The following WIPF1 variants were observed in gnomAD, a reference collection of about 807,000 sequenced individuals.
WIPF1 encodes the protein WAS/WASL-interacting protein family member 1.
Under a neutral mutation model 35.4 loss-of-function variants are expected in WIPF1, and 13 were observed. The ratio of observed to expected loss-of-function variants is 0.37; its 90% CI spans 0.24 to 0.58. The LOEUF (loss-of-function observed/expected upper bound fraction) is 0.58, where lower values mean the gene tolerates loss of function less well. Among genes scored for constraint, WIPF1 ranks in the 20% least tolerant of loss-of-function variants. The probability of loss-of-function intolerance (pLI) is 0.74; values close to 1 mark genes in which losing one functional copy is unlikely to be tolerated. For missense variants in WIPF1, 591 were observed against 667.0 expected, an observed-to-expected ratio of 0.89 and a Z score of 1.25; for synonymous variants, 267 against 266.3, an observed-to-expected ratio of 1.00 and a Z score of -0.02.
At chr2:174,606,114 T>TA (rs5836467) in intron 1 of WIPF1, among the ~76,000 whole-genome samples, 45,546 of 151,968 alleles carry the variant, frequency 0.3, 7,092 homozygotes, top group Middle Eastern at 0.41. Flanking sequence ...TTAGTGGCAA[T>TA]AAAAAAGTAA....
At chr2:174,656,866 A>G (rs1048381395) in intron 1 of WIPF1, among the ~76,000 whole-genome samples, 12 of 152,234 alleles carry the variant, frequency 7.9e-5, no homozygotes, top group African/African-American at 2.7e-4. Context: ...CAGAATGGTT[A>G]ATTTTTATAC....
At chr2:174,619,642 G>A (rs1686615976) in intron 1 of WIPF1, among the ~76,000 whole-genome samples, 1 of 152,006 alleles carries the variant, frequency 6.6e-6, no homozygotes, top group South Asian at 2.1e-4. Context: ...ACCCCCTTTG[G>A]CTACATAAAA....
chr2:174,648,197 T>C (rs899823295), intron 1 of WIPF1, among the ~76,000 whole-genome samples: 2 of 152,174 alleles, frequency 1.3e-5, no homozygotes, highest in Admixed American at 1.3e-4. Flanking sequence ...ATGGGGAACA[T>C]TGTACGTTGT....
chr2:174,675,865 C>T (rs1278621840), intron 1 of WIPF1, among the ~76,000 whole-genome samples: 1 of 148,830 alleles, frequency 6.7e-6, no homozygotes, highest in East Asian at 1.9e-4. Flanking sequence ...GGAGGGTGGG[C>T]CGTAAGAGTT....
chr2:174,568,026 G>C lies in WIPF1; in HGVS notation c.1177C>G (p.Arg393Gly). Residue 393 changes from arginine to glycine, a missense_variant, in exon 6 of 8, where the codon CGG becomes GGG. By Grantham distance (125) the Arg-to-Gly change is moderately radical. Around this residue, in one of 3 missense-constraint regions of WIPF1, gnomAD observed 117 missense variants for 149.6 expected, o/e 0.78. Coordinates refer to ENST00000679041, the MANE Select transcript of WIPF1 (RefSeq NM_001375834.1). ...PPVSRNGSTSRALPATPQLPS... is the reference protein window; with the variant it reads ...PPVSRNGSTSGALPATPQLPS... ...AACTGAGGGGTAGCAGGCAGGGCCC[G>C]AGATGTGCTGCCGTTTCTGCTTACT... 3 of 1,613,698 alleles carry C rather than the reference G, an allele frequency of 1.9e-6. No individual in the cohort carries two copies. Among genetic ancestry groups the C allele is most frequent in the Non-Finnish European group, 2.5e-6 (3 of 1,180,030 alleles).
At chr2:174,671,527 C>T (rs1022480150) in intron 1 of WIPF1, among the ~76,000 whole-genome samples, 5 of 152,132 alleles carry the variant, frequency 3.3e-5, no homozygotes, top group Non-Finnish European at 4.4e-5. Flanking sequence ...GGTCTGGCTG[C>T]CTGGGAGTGG....
chr2:174,647,676 G>A (rs562656279), intron 1 of WIPF1, among the ~76,000 whole-genome samples: 2 of 149,496 alleles, frequency 1.3e-5, no homozygotes, highest in South Asian at 4.2e-4. Context: ...CAGGAAAACG[G>A]CATATGAATT....
At chr2:174,653,213 C>T (rs915852172) in intron 1 of WIPF1, among the ~76,000 whole-genome samples, 1 of 152,172 alleles carries the variant, frequency 6.6e-6, no homozygotes, top group African/African-American at 2.4e-5. Context: ...CCCCCAACAC[C>T]TATGGTGTTA....
In WIPF1 at chr2:174,562,593, T is replaced by C; in HGVS notation, c.1466A>G (p.Asn489Ser). ...LARNESRSGS[N>S]RRERGAPPLP... ...TGGTGGAGCACCCCTTTCTCTTCGG[T>C]TGGATCCACCTTGGTGAAAAAACAG... The change falls in exon 8 of 8, where the codon AAC (asparagine) becomes AGC (serine). Residue 489 changes from asparagine to serine, a missense_variant. Asn to Ser is a conservative substitution (Grantham distance 46). Around this residue, in one of 3 missense-constraint regions of WIPF1, gnomAD observed 117 missense variants for 149.6 expected, o/e 0.78. Transcript: ENST00000679041. 1.2e-6 allele frequency: 2 copies of C among 1,614,120 alleles called. No homozygotes were observed. The highest frequency in any genetic ancestry group is 2.2e-5 in the South Asian group (2 of 91,066).
intron 1 of WIPF1, among the ~76,000 whole-genome samples, chr2:174,649,169 G>C (rs543524378): frequency 4.1e-4 from 63 of 152,280 alleles, no homozygotes; most frequent in Non-Finnish European, 8.7e-4. Flanking sequence ...GGCCATACTA[G>C]GGGTGATTCC....
chr2:174,592,075 C>T (rs6740684), intron 1 of WIPF1, among the ~76,000 whole-genome samples: 15,364 of 152,240 alleles, frequency 0.1, 891 homozygotes, highest in African/African-American at 0.15. Context: ...AAAGCAGACT[C>T]ATCCCTGAAT....
At chr2:174,636,094 C>T (rs978867396) in intron 1 of WIPF1, among the ~76,000 whole-genome samples, 2 of 152,144 alleles carry the variant, frequency 1.3e-5, no homozygotes, top group Non-Finnish European at 2.9e-5. Flanking sequence ...TACAATTTTG[C>T]CATCTTGGAG....
chr2:174,664,427 G>A (rs573041881), intron 1 of WIPF1, among the ~76,000 whole-genome samples: 2 of 152,206 alleles, frequency 1.3e-5, no homozygotes, highest in African/African-American at 4.8e-5. Context: ...ATCCAACAGA[G>A]AGTGGTCTGC....
In WIPF1 at chr2:174,636,451, C is replaced by T. The variant is rs1005895136; in HGVS notation, c.-39+46323G>A. On this transcript the variant is annotated intron_variant, in intron 1 of 8. Transcript: ENST00000272746. ...CAGTACAGAGTTCCCATAAATCCTA[C>T]GCCCAGTCTCCCCTATTATTAACTT... Among the ~76,000 whole-genome samples the T allele has an allele frequency of 5.9e-5, 9 of 152,288 alleles. No homozygotes were observed. In the East Asian group the frequency reaches 7.7e-4, roughly 13 times the overall value.
intron 1 of WIPF1, among the ~76,000 whole-genome samples, chr2:174,627,485 C>CCCTCCCTTCCTT (rs1201919238): frequency 7.1e-6 from 1 of 141,238 alleles, no homozygotes; most frequent in Non-Finnish European, 1.5e-5. Context: ...CTCTCTTTTT[C>CCCTCCCTTCCTT]CCTCCCTTCC....
At chr2:174,676,121 T>G (rs1380763465) in intron 1 of WIPF1, among the ~76,000 whole-genome samples, 1 of 151,056 alleles carries the variant, frequency 6.6e-6, no homozygotes, top group Non-Finnish European at 1.5e-5. Context: ...GGCTTTTTTT[T>G]TTTTCTTTTT....
chr2:174,678,143 C>A (rs1342370736), intron 1 of WIPF1, among the ~76,000 whole-genome samples: 1 of 151,668 alleles, frequency 6.6e-6, no homozygotes, highest in Non-Finnish European at 1.5e-5. Context: ...AATGTTTGGG[C>A]CAGATCATAG....
intron 1 of WIPF1, among the ~76,000 whole-genome samples, chr2:174,616,775 A>T (rs951011488): frequency 6.6e-6 from 1 of 152,202 alleles, no homozygotes; most frequent in Non-Finnish European, 1.5e-5. Context: ...AAAATTTCAA[A>T]AAGATCCTTA....
chr2:174,572,513 T>G lies in WIPF1; in HGVS notation c.359-67A>C, dbSNP rs1684907286. 6 of 1,595,192 alleles carry G rather than the reference T, an allele frequency of 3.8e-6. No individual in the cohort carries two copies. In the South Asian group the frequency reaches 6.7e-5, roughly 18 times the overall value. Reference sequence around the variant, plus strand: ...CCCTGAAGAAATCAGAGAGCTAGAGTCTGTTCCCAGTGACTGGAAGTCCCT... The same window carrying G: ...CCCTGAAGAAATCAGAGAGCTAGAGGCTGTTCCCAGTGACTGGAAGTCCCT... On this transcript the variant is annotated intron_variant, in intron 4 of 7. Transcript: ENST00000679041.
Sources: allele counts gnomAD v4.1 joint callset (sites outside exome capture counted in the v4.1 genomes callset), GRCh38; gene constraint gnomAD v4.1.1; regional missense constraint gnomAD v4.1.1; transcripts MANE v1.5; gene names NCBI Gene and HGNC (gene_info 2026-07-23, HGNC 2026-07-21).